Variants in KIF4A observed in about 807,000 individuals in gnomAD.
KIF4A encodes kinesin family member 4A, also known as chromosome-associated kinesin KIF4A.
In KIF4A, 7 loss-of-function variants were observed where a neutral mutation model predicts 105.9. The observed-to-expected ratio is 0.07, with a 90% CI of 0.04 to 0.12. The LOEUF (loss-of-function observed/expected upper bound fraction) is 0.12. Among genes scored for constraint, KIF4A ranks in the 10% least tolerant of loss-of-function variants. KIF4A has a pLI of 1.00. For synonymous variants in KIF4A, 281 were observed against 331.3 expected (o/e 0.85, Z 1.65); for missense variants, 558 against 929.2 (o/e 0.60, Z 5.19).
At chrX:70,353,494 A>T in intron 14 of KIF4A, 128 bp from the exon 15 acceptor site, 1 of 545,363 alleles carries the variant, frequency 1.8e-6, no homozygotes, top group Non-Finnish European at 2.9e-6. Flanking sequence ...AAATGTATGC[A>T]GAGCCACTGT....
intron 15 of KIF4A, among the ~76,000 whole-genome samples, chrX:70,358,234 G>T (rs894199248): frequency 2.7e-5 from 3 of 110,094 alleles, no homozygotes; most frequent in Non-Finnish European, 5.7e-5. Context: ...TATTGTGCTT[G>T]GTGCTCGACT....
Position 70,364,637 on chromosome X carries a change from G to A in KIF4A, c.1675-9514G>A, listed in dbSNP as rs367653223. Among the ~76,000 whole-genome samples the A allele has an allele frequency of 1.3e-3, 149 of 111,141 alleles. 2 individuals are homozygous for A. The South Asian group carries it at 0.053, about 40-fold the overall frequency. On this transcript the variant is annotated intron_variant, in intron 15 of 30. Coordinates refer to ENST00000374403, the MANE Select transcript of KIF4A (RefSeq NM_012310.5). Reference sequence around the variant, plus strand: ...GTACCAGTACCATGCTGTTTTGGTTGCTGTAGCCTTGTAGTATAGTTTGAA... The same window carrying A: ...GTACCAGTACCATGCTGTTTTGGTTACTGTAGCCTTGTAGTATAGTTTGAA...
chrX:70,344,081 C>G, intron 13 of KIF4A, 99 bp downstream of exon 13: 1 of 615,029 alleles, frequency 1.6e-6, no homozygotes, highest in Non-Finnish European at 2.6e-6. Flanking sequence ...GCTGAAACAA[C>G]TAGATTGTGA....
rs148296612 is a variant in KIF4A at position 70,321,615 on chromosome X, T to A, written c.779-7790T>A. On this transcript the variant is annotated intron_variant, in intron 7 of 30. Transcript: ENST00000374403. Reference sequence around the variant, plus strand: ...TCAGAAACATGGTTCTGTCAAGTACTCCTGCTCCTCCTGTTTTAACTTCTC... The same window carrying A: ...TCAGAAACATGGTTCTGTCAAGTACACCTGCTCCTCCTGTTTTAACTTCTC... Among the ~76,000 whole-genome samples the A allele has an allele frequency of 3.2e-3, 355 of 111,966 alleles. 2 individuals carry two copies. Among genetic ancestry groups the A allele is most frequent in the African/African-American group, 0.011 (346 of 30,877 alleles).
At chrX:70,325,242 A>G (rs1300023676) in intron 7 of KIF4A, among the ~76,000 whole-genome samples, 1 of 111,885 alleles carries the variant, frequency 8.9e-6, no homozygotes, top group East Asian at 2.8e-4. Flanking sequence ...GTCAATATTA[A>G]AGCCATAAGA....
At position 70,395,865 on chromosome X, in the gene KIF4A, C is replaced by T. The variant is rs193157130; in HGVS notation, c.2388+39C>T. ...TGAAAAAATGTTGCCAATAATCAGACTCTACATTCCCCAGAAATCCTCATA... is the reference window on the plus strand; with the variant it reads ...TGAAAAAATGTTGCCAATAATCAGATTCTACATTCCCCAGAAATCCTCATA... On this transcript the variant is annotated intron_variant, in intron 21 of 30. Coordinates refer to ENST00000374403, the MANE Select transcript of KIF4A (RefSeq NM_012310.5). The T allele has an allele frequency of 5.8e-4, 698 of 1,199,204 alleles. 4 individuals carry two copies. The African/African-American group carries it at 0.011, about 19-fold the overall frequency.
At chrX:70,388,522 G>C (rs2086226142) in intron 20 of KIF4A, among the ~76,000 whole-genome samples, 2 of 111,637 alleles carry the variant, frequency 1.8e-5, no homozygotes, top group South Asian at 7.5e-4. Flanking sequence ...AATGTATAAG[G>C]GTTCTAGTTG....
chrX:70,296,959 G>A (rs1265223245), intron 3 of KIF4A, 39 bp from the exon 4 acceptor site: 1 of 1,161,755 alleles, frequency 8.6e-7, no homozygotes. Flanking sequence ...AGATGAAAAT[G>A]TTTAAACACC....
At chrX:70,296,938 G>A (rs1569228025) in intron 3 of KIF4A, 60 bp from the exon 4 acceptor site, 1 of 1,064,402 alleles carries the variant, frequency 9.4e-7, no homozygotes, top group African/African-American at 1.9e-5. Flanking sequence ...AGGAAATGGA[G>A]TATATTGATT....
intron 7 of KIF4A, among the ~76,000 whole-genome samples, chrX:70,304,946 G>GCCA (rs1463040038): frequency 9.0e-6 from 1 of 111,415 alleles, no homozygotes; most frequent in Non-Finnish European, 1.9e-5. Context: ...ACAGGTGTGA[G>GCCA]CCACCATACC....
chrX:70,323,242 G>A lies in KIF4A; in HGVS notation c.779-6163G>A, dbSNP rs762113192. On this transcript the variant is annotated intron_variant, in intron 7 of 30. Coordinates refer to ENST00000374403, the MANE Select transcript of KIF4A (RefSeq NM_012310.5). ...TTGACCATCTCACTTCCCCCAAAGC[G>A]GATTAGGTACCCCTCATCTAGTGCT... 7.2e-5 allele frequency among the ~76,000 whole-genome samples: 8 copies of A among 110,909 alleles called. No individual in the cohort carries two copies. In the East Asian group the frequency reaches 1.7e-3, roughly 24 times the overall value.
At chrX:70,406,111 A>G (rs1024955125) in intron 26 of KIF4A, 148 bp from the exon 27 acceptor site, 1 of 521,704 alleles carries the variant, frequency 1.9e-6, no homozygotes, top group Non-Finnish European at 3.2e-6. Context: ...TTGATATTGG[A>G]AAGTGGGAGT....
At chrX:70,291,257 T>C (rs2085759382) in intron 3 of KIF4A, among the ~76,000 whole-genome samples, 1 of 111,928 alleles carries the variant, frequency 8.9e-6, no homozygotes, top group Admixed American at 9.5e-5. Context: ...AAATTTTTTG[T>C]ACCTATCTTT....
Position 70,296,882 on chromosome X carries a change from A to T in KIF4A, c.236-116A>T, listed in dbSNP as rs1602737264. 3.8e-6 allele frequency: 3 copies of T among 796,241 alleles called. No individual in the cohort carries two copies. In the East Asian group the frequency reaches 9.9e-5, roughly 26 times the overall value. 65.6% of individuals were successfully genotyped at this position (796,241 alleles called of 1,213,427 possible). A position where few individuals can be genotyped will look rare whatever the true frequency, so the allele number is the denominator to read the frequency against. ...TCTTTGTGTCTGCCATTCTTAAGAG[A>T]CTGTATTAAGAGAGCAATCTCAGTT... On this transcript the variant is annotated intron_variant, in intron 3 of 30. Transcript: ENST00000374403.
chrX:70,378,902 A>G (rs2147724864), intron 18 of KIF4A, among the ~76,000 whole-genome samples: 1 of 110,347 alleles, frequency 9.1e-6, no homozygotes, highest in South Asian at 3.9e-4. Context: ...ACCTGTAGTA[A>G]TCCCAGCACT....
intron 7 of KIF4A, among the ~76,000 whole-genome samples, chrX:70,325,035 G>A (rs1033761525): frequency 1.9e-4 from 21 of 111,842 alleles, no homozygotes; most frequent in African/African-American, 6.8e-4. Context: ...TATAAAATCC[G>A]AAGTTGGTCA....
At chrX:70,366,943 G>C (rs1006077201) in intron 15 of KIF4A, among the ~76,000 whole-genome samples, 2 of 111,909 alleles carry the variant, frequency 1.8e-5, no homozygotes, top group Non-Finnish European at 3.8e-5. Context: ...CCTGTATTGG[G>C]TGCATATATA....
intron 11 of KIF4A, among the ~76,000 whole-genome samples, chrX:70,342,658 GA>G (rs1188933358): frequency 8.9e-6 from 1 of 112,495 alleles, no homozygotes; most frequent in Non-Finnish European, 1.9e-5. Flanking sequence ...TCTAGTCAAG[GA>G]AAGATAAGCT....
At chrX:70,305,009 C>G (rs2085821143) in intron 7 of KIF4A, among the ~76,000 whole-genome samples, 1 of 111,208 alleles carries the variant, frequency 9.0e-6, no homozygotes, top group South Asian at 3.8e-4. Flanking sequence ...GGATATGCCA[C>G]ATTTTGGTTG....
Sources: gnomAD v4.1 joint callset for allele counts (sites outside exome capture counted in the v4.1 genomes callset) on GRCh38, gnomAD v4.1.1 for gene constraint, MANE v1.5 for transcripts, NCBI Gene and HGNC (gene_info 2026-07-23, HGNC 2026-07-21) for gene names.